CDH12: variants seen among roughly 807,000 people sequenced by gnomAD.
The protein encoded by CDH12 is cadherin 12.
A neutral mutation model predicts 74.1 loss-of-function variants in CDH12; 41 were observed. The observed-to-expected ratio is 0.55, with a 90% CI of 0.43 to 0.72. CDH12 has a LOEUF of 0.72. CDH12 is among the 30% of genes least tolerant of loss of function. The pLI, the probability that CDH12 is intolerant of heterozygous loss-of-function variation, is 0.00. For synonymous variants in CDH12, 399 were observed against 355.0 expected (o/e 1.12, Z -1.39); for missense variants, 945 against 977.2 (o/e 0.97, Z 0.44).
At chr5:22,617,637 C>A (rs1183016335) in intron 1 of CDH12, among the ~76,000 whole-genome samples, 1 of 152,066 alleles carries the variant, frequency 6.6e-6, no homozygotes, top group Non-Finnish European at 1.5e-5. Flanking sequence ...TTCAGAACTT[C>A]CAGTTTTCAA....
intron 1 of CDH12, among the ~76,000 whole-genome samples, chr5:22,746,873 T>C (rs1335711967): frequency 6.6e-6 from 1 of 152,170 alleles, no homozygotes; most frequent in Non-Finnish European, 1.5e-5. Context: ...AAGACAAAAG[T>C]ATATAATCAT....
Position 22,382,966 on chromosome 5 carries a change from G to A in CDH12, c.-333+22291C>T, listed in dbSNP as rs1384057397. On this transcript the variant is annotated intron_variant, in intron 3 of 14. Coordinates refer to ENST00000382254, the MANE Select transcript of CDH12 (RefSeq NM_004061.5). The stretch of plus-strand genomic sequence containing the variant: ...CTGCCTCAGCCTTCTGAGTAGCTGG[G>A]ATTTCTGGAGCGCGCCGCTACGCCC... Among the ~76,000 whole-genome samples, 6 of 152,086 alleles carry A rather than the reference G, an allele frequency of 3.9e-5. 1 individual carries two copies. The South Asian group carries it at 1.0e-3, about 26-fold the overall frequency.
intron 5 of CDH12, among the ~76,000 whole-genome samples, chr5:21,983,919 A>G (rs1257729852): frequency 1.3e-5 from 2 of 152,160 alleles, no homozygotes; most frequent in African/African-American, 4.8e-5. Context: ...TTTTAAAAAT[A>G]ATCATATTCT....
At chr5:22,642,187 T>C (rs2126872007) in intron 1 of CDH12, among the ~76,000 whole-genome samples, 1 of 152,336 alleles carries the variant, frequency 6.6e-6, no homozygotes, top group African/African-American at 2.4e-5. Flanking sequence ...CTACTTCCCC[T>C]CATTCATAAC....
chr5:21,757,333 G>A (rs996519891), intron 13 of CDH12, among the ~76,000 whole-genome samples: 3 of 151,876 alleles, frequency 2.0e-5, no homozygotes, highest in Non-Finnish European at 2.9e-5. Context: ...CTGCCACCAC[G>A]CCCAGCGAAT....
chr5:22,321,166 A>C (rs1738860301), intron 3 of CDH12, among the ~76,000 whole-genome samples: 1 of 152,146 alleles, frequency 6.6e-6, no homozygotes, highest in African/African-American at 2.4e-5. Flanking sequence ...AAAGGCTATA[A>C]ATCATGCTGC....
intron 6 of CDH12, among the ~76,000 whole-genome samples, chr5:21,940,033 C>A (rs1229362825): frequency 6.6e-6 from 1 of 151,836 alleles, no homozygotes; most frequent in Non-Finnish European, 1.5e-5. Context: ...CCAGGCTGGC[C>A]AACATGGTGA....
rs1386362298 is a variant in CDH12, at chr5:22,587,909, A to ATATATATAATATATATAGATT, written c.-522-82566_-522-82546dup. 1.6e-4 allele frequency among the ~76,000 whole-genome samples: 23 copies of ATATATATAATATATATAGATT among 148,306 alleles called. No homozygotes were observed. In the East Asian group the frequency reaches 4.3e-3, roughly 28 times the overall value. On this transcript the variant is annotated intron_variant, in intron 1 of 14. Coordinates refer to ENST00000382254, the MANE Select transcript of CDH12 (RefSeq NM_004061.5). ...TAAATCCACATATATATTGTGTGTG[A>ATATATATAATATATATAGATT]TATATATAATATATATAGATTTATA... is the stretch of plus-strand genomic sequence containing the variant.
At chr5:22,225,655 G>A (rs1438117759) in intron 3 of CDH12, among the ~76,000 whole-genome samples, 1 of 151,978 alleles carries the variant, frequency 6.6e-6, no homozygotes, top group Non-Finnish European at 1.5e-5. Context: ...TATTTGGCAT[G>A]CTTTGGTTAT....
intron 1 of CDH12, among the ~76,000 whole-genome samples, chr5:22,578,300 G>T (rs1313541059): frequency 1.3e-5 from 2 of 151,664 alleles, no homozygotes; most frequent in Non-Finnish European, 2.9e-5. Flanking sequence ...TGTTCCAAAA[G>T]GGGTATAAAA....
intron 2 of CDH12, among the ~76,000 whole-genome samples, chr5:22,477,581 A>T (rs2126616604): frequency 6.6e-6 from 1 of 152,286 alleles, no homozygotes; most frequent in Admixed American, 6.5e-5. Context: ...AATGATTTAT[A>T]TTCCTTTTGG....
intron 3 of CDH12, among the ~76,000 whole-genome samples, chr5:22,319,258 A>G (rs1738759633): frequency 6.6e-6 from 1 of 152,190 alleles, no homozygotes; most frequent in Non-Finnish European, 1.5e-5. Context: ...GCGATACTCT[A>G]ATAACAGGAG....
chr5:22,623,570 T>A (rs1190983545), intron 1 of CDH12, among the ~76,000 whole-genome samples: 1 of 152,122 alleles, frequency 6.6e-6, no homozygotes, highest in South Asian at 2.1e-4. Context: ...CACAATTGCT[T>A]CAAAGAGAAT....
In CDH12 at chr5:22,001,126, G is replaced by A. The variant is rs367806522; in HGVS notation, c.232-25741C>T. 1.3e-4 allele frequency among the ~76,000 whole-genome samples: 20 copies of A among 152,246 alleles called. 1 individual carries two copies. In the East Asian group the frequency reaches 3.1e-3, roughly 24 times the overall value. On this transcript the variant is annotated intron_variant, in intron 5 of 14. Coordinates refer to ENST00000382254, the MANE Select transcript of CDH12 (RefSeq NM_004061.5). ...TTAATTGTTGTAGCTTTCAGCAAATGATTACTTCAGAACATTAAATCATAA... is the reference window on the plus strand; with the variant it reads ...TTAATTGTTGTAGCTTTCAGCAAATAATTACTTCAGAACATTAAATCATAA...
At chr5:22,499,693 G>A (rs573918954) in intron 2 of CDH12, among the ~76,000 whole-genome samples, 42 of 152,280 alleles carry the variant, frequency 2.8e-4, no homozygotes, top group African/African-American at 9.1e-4. Flanking sequence ...AGTATGGGGT[G>A]TAGAATAGGG....
chr5:22,406,654 C>G (rs1288854211), intron 2 of CDH12, among the ~76,000 whole-genome samples: 1 of 152,048 alleles, frequency 6.6e-6, no homozygotes, highest in Non-Finnish European at 1.5e-5. Flanking sequence ...TCCAAATTAA[C>G]ATATTTAGAG....
chr5:22,262,317 G>A (rs1355977302), intron 3 of CDH12, among the ~76,000 whole-genome samples: 1 of 133,914 alleles, frequency 7.5e-6, no homozygotes, highest in Non-Finnish European at 1.5e-5. Context: ...CCCTTCCTGT[G>A]TCCATGTGAT....
chr5:22,768,084 C>T (rs7446570), intron 1 of CDH12, among the ~76,000 whole-genome samples: 141,569 of 152,046 alleles, frequency 0.93, 65,995 homozygotes, highest in East Asian at 0.99. Flanking sequence ...ATACTTACTA[C>T]TTCTAGAATA....
intron 5 of CDH12, among the ~76,000 whole-genome samples, chr5:22,046,795 T>G (rs1739987831): frequency 1.3e-5 from 2 of 152,186 alleles, no homozygotes; most frequent in South Asian, 4.1e-4. Flanking sequence ...TTTTCTTTCA[T>G]TTTTGGAGGT....
Sources: gnomAD v4.1 joint callset for allele counts (sites outside exome capture counted in the v4.1 genomes callset) on GRCh38, gnomAD v4.1.1 for gene constraint, MANE v1.5 for transcripts, NCBI Gene and HGNC (gene_info 2026-07-23, HGNC 2026-07-21) for gene names.